GLIS3: variants seen among roughly 807,000 people sequenced by gnomAD.
The protein encoded by GLIS3 is GLIS family zinc finger 3.
A neutral mutation model predicts 78.6 loss-of-function variants in GLIS3; 53 were observed. The observed-to-expected ratio is 0.67, with a 90% CI of 0.54 to 0.85. The LOEUF is 0.85. GLIS3 is among the 40% of genes least tolerant of loss of function. The pLI is 0.00. For missense variants in GLIS3, 1,703 were observed against 1,231.1 expected (o/e 1.38, Z -5.74); for synonymous variants, 684 against 509.9 (o/e 1.34, Z -4.60).
In GLIS3 at chr9:4,172,569, G is replaced by C. The variant is rs139192506; in HGVS notation, c.389-46628C>G. ...AGACAGTTATCTGGACCTGGGTTTTGGTAGCAAGCATGATATAAATATTTT... is the reference window on the plus strand; with the variant it reads ...AGACAGTTATCTGGACCTGGGTTTTCGTAGCAAGCATGATATAAATATTTT... On this transcript the variant is annotated intron_variant, in intron 2 of 10. Transcript: ENST00000381971. Among the ~76,000 whole-genome samples, 148 of 152,092 alleles carry C rather than the reference G, an allele frequency of 9.7e-4. No individual in the cohort carries two copies. In the East Asian group the frequency reaches 0.026, roughly 27 times the overall value.
chr9:4,066,500 C>G (rs1588586882), intron 4 of GLIS3, among the ~76,000 whole-genome samples: 2 of 152,316 alleles, frequency 1.3e-5, no homozygotes, highest in Middle Eastern at 6.8e-3. Flanking sequence ...TGCTGCAACC[C>G]CACTTCTCTC....
chr9:4,182,763 CG>C (rs1224168321), intron 2 of GLIS3, among the ~76,000 whole-genome samples: 1 of 152,130 alleles, frequency 6.6e-6, no homozygotes. Flanking sequence ...GTCTTGAAAA[CG>C]CAATAGTAAT....
At chr9:4,402,941 G>C in the GLIS3 span, among the ~76,000 whole-genome samples, 1 of 152,078 alleles carries the variant, frequency 6.6e-6, no homozygotes. Context: ...CCTAGAGAAA[G>C]ATATCAACAT....
At chr9:4,004,590 A>G (rs1382882100) in intron 4 of GLIS3, among the ~76,000 whole-genome samples, 1 of 152,162 alleles carries the variant, frequency 6.6e-6, no homozygotes, top group Non-Finnish European at 1.5e-5. Context: ...CAATTTGGAG[A>G]AGTTTGGCAT....
chr9:4,486,219 A>G, the GLIS3 span, among the ~76,000 whole-genome samples: 1 of 152,164 alleles, frequency 6.6e-6, no homozygotes, highest in East Asian at 1.9e-4. Context: ...ACATGTTGAC[A>G]TGGAGAAACC....
chr9:4,079,118 G>C (rs1476471922), intron 4 of GLIS3, among the ~76,000 whole-genome samples: 1 of 152,174 alleles, frequency 6.6e-6, no homozygotes, highest in African/African-American at 2.4e-5. Context: ...TTTGGTTTCA[G>C]CTTGTATCAT....
chr9:4,016,025 G>T, intron 4 of GLIS3, among the ~76,000 whole-genome samples: 1 of 152,044 alleles, frequency 6.6e-6, no homozygotes, highest in Middle Eastern at 3.4e-3. Context: ...GGAATTCAAA[G>T]GTTGTTTGTG....
the GLIS3 span, among the ~76,000 whole-genome samples, chr9:4,453,682 G>T: frequency 2.6e-5 from 4 of 152,176 alleles, no homozygotes; most frequent in African/African-American, 4.8e-5. Context: ...ACAAGGATGA[G>T]TTCATGTCCT....
chr9:4,458,204 G>C, the GLIS3 span, among the ~76,000 whole-genome samples: 1 of 152,032 alleles, frequency 6.6e-6, no homozygotes, highest in Non-Finnish European at 1.5e-5. Flanking sequence ...AGAAAACATG[G>C]CCTCCCACAG....
Position 4,227,795 on chromosome 9 carries a change from G to T in GLIS3, c.388+58243C>A, listed in dbSNP as rs115676774. 7.5e-3 allele frequency among the ~76,000 whole-genome samples: 1,137 copies of T among 152,320 alleles called. 17 individuals are homozygous for T. Among genetic ancestry groups the T allele is most frequent in the African/African-American group, 0.025 (1,050 of 41,570 alleles). ...CTCCCTTGAGGAAGGAAAAGCAAGGGAGAAGCAATTCTGATTCAATTAAAA... is the reference window on the plus strand; with the variant it reads ...CTCCCTTGAGGAAGGAAAAGCAAGGTAGAAGCAATTCTGATTCAATTAAAA... On this transcript the variant is annotated intron_variant, in intron 2 of 10. Coordinates refer to ENST00000381971, the MANE Select transcript of GLIS3 (RefSeq NM_001042413.2).
chr9:4,441,633 G>A, the GLIS3 span, among the ~76,000 whole-genome samples: 6 of 152,066 alleles, frequency 3.9e-5, no homozygotes, highest in South Asian at 1.2e-3. Flanking sequence ...TTGAGACAAG[G>A]TCTGGCTCTA....
chr9:4,479,347 G>A, the GLIS3 span, among the ~76,000 whole-genome samples: 1 of 152,184 alleles, frequency 6.6e-6, no homozygotes, highest in African/African-American at 2.4e-5. Flanking sequence ...TGTCCTTCAT[G>A]TCCCTGCTTG....
intron 2 of GLIS3, among the ~76,000 whole-genome samples, chr9:4,282,536 A>G (rs4380994): frequency 0.39 from 58,529 of 151,810 alleles, 13,137 homozygotes; most frequent in East Asian, 0.53. Flanking sequence ...CTTCAAACTG[A>G]AACATCAGCT....
the GLIS3 span, among the ~76,000 whole-genome samples, chr9:4,371,834 G>T: frequency 6.6e-6 from 1 of 152,176 alleles, no homozygotes; most frequent in Non-Finnish European, 1.5e-5. Flanking sequence ...CTGAACTTTT[G>T]CTTCAAAGAT....
In GLIS3 at chr9:3,958,860, C is replaced by G. The variant is rs1817344342; in HGVS notation, c.1711-21671G>C. Among the ~76,000 whole-genome samples, 6 of 152,088 alleles carry G rather than the reference C, an allele frequency of 3.9e-5. No individual in the cohort carries two copies. In the South Asian group the frequency reaches 1.2e-3, roughly 32 times the overall value. On this transcript the variant is annotated intron_variant, in intron 4 of 10. Transcript: ENST00000381971. ...AAACAGAAATAATACTGGCTAAAGCCCAGAGGTGGAAAAACAGACAACGTG... is the reference window on the plus strand; with the variant it reads ...AAACAGAAATAATACTGGCTAAAGCGCAGAGGTGGAAAAACAGACAACGTG...
intron 7 of GLIS3, among the ~76,000 whole-genome samples, chr9:3,896,793 C>T (rs1685541004): frequency 6.6e-6 from 1 of 151,518 alleles, no homozygotes; most frequent in Non-Finnish European, 1.5e-5. Flanking sequence ...TCAAGAGTTA[C>T]GGAAAATGTG....
the GLIS3 span, among the ~76,000 whole-genome samples, chr9:4,415,674 T>A: frequency 6.6e-6 from 1 of 152,216 alleles, no homozygotes; most frequent in Non-Finnish European, 1.5e-5. Context: ...CAACAATAGA[T>A]TGACCTTTTT....
At position 4,185,995 on chromosome 9, in the gene GLIS3, TTA is replaced by T. The variant is rs1351543714; in HGVS notation, c.389-60056_389-60055del. Among the ~76,000 whole-genome samples the T allele has an allele frequency of 2.0e-4, 30 of 151,952 alleles. 1 individual carries two copies. In the South Asian group the frequency reaches 5.6e-3, roughly 28 times the overall value. ...AATTGGCAGAGTTTTCTTCTTTTTT[TTA>T]AATTTTATTTTATTATTATTATACT... On this transcript the variant is annotated intron_variant, in intron 2 of 10. Transcript: ENST00000381971.
At chr9:4,427,019 A>G in the GLIS3 span, among the ~76,000 whole-genome samples, 8 of 152,358 alleles carry the variant, frequency 5.3e-5, no homozygotes, top group African/African-American at 1.9e-4. Flanking sequence ...TGTATCTGAT[A>G]GAACCTAGCA....
Sources: gnomAD v4.1 joint callset for allele counts (sites outside exome capture counted in the v4.1 genomes callset) on GRCh38, gnomAD v4.1.1 for gene constraint, MANE v1.5 for transcripts, NCBI Gene and HGNC (gene_info 2026-07-23, HGNC 2026-07-21) for gene names.